The following MLLT10 variants were observed in gnomAD, a reference collection of about 807,000 sequenced individuals.
The protein encoded by MLLT10 is protein AF-10.
MLLT10 carries 30 observed loss-of-function variants against 129.1 expected under a neutral mutation model. The observed-to-expected ratio is 0.23, with a 90% CI of 0.17 to 0.32. The LOEUF is 0.32. MLLT10 is among the 10% of genes least tolerant of loss of function. MLLT10 has a pLI of 1.00. For missense variants in MLLT10, 1,119 were observed against 1,268.3 expected (o/e 0.88, Z 1.79); for synonymous variants, 490 against 446.4 (o/e 1.10, Z -1.23).
chr10:21,596,556 A>G (rs1376468015), intron 5 of MLLT10, among the ~76,000 whole-genome samples: 3 of 152,004 alleles, frequency 2.0e-5, no homozygotes, highest in Non-Finnish European at 4.4e-5. Context: ...TGTATTAGCT[A>G]TATGTGAGAT....
intron 8 of MLLT10, among the ~76,000 whole-genome samples, chr10:21,637,734 T>C (rs2047592904): frequency 6.6e-6 from 1 of 152,184 alleles, no homozygotes; most frequent in Non-Finnish European, 1.5e-5. Flanking sequence ...TAAACTGATC[T>C]TGATCCTTAG....
Position 21,547,074 on chromosome 10 carries a change from T to C in MLLT10, c.240+8162T>C, listed in dbSNP as rs1249497193. ...TAGTAGAAATGGGGTTTTACCATGT[T>C]GGCCAGGCTGGTCTCAAACTCCTGA... On this transcript the variant is annotated intron_variant, in intron 3 of 22. Coordinates refer to ENST00000307729, the MANE Select transcript of MLLT10 (RefSeq NM_001195626.3). Among the ~76,000 whole-genome samples, 3 of 152,098 alleles carry C rather than the reference T, an allele frequency of 2.0e-5. 1 individual carries two copies. The highest frequency in any genetic ancestry group is 7.2e-5 in the African/African-American group (3 of 41,414).
intron 3 of MLLT10, among the ~76,000 whole-genome samples, chr10:21,568,731 G>A (rs1373506078): frequency 6.6e-6 from 1 of 152,034 alleles, no homozygotes; most frequent in Non-Finnish European, 1.5e-5. Context: ...TCCGCCTCCC[G>A]GGTTCAAGCA....
At chr10:21,632,162 C>T (rs1285800238) in intron 8 of MLLT10, among the ~76,000 whole-genome samples, 1 of 152,038 alleles carries the variant, frequency 6.6e-6, no homozygotes, top group Non-Finnish European at 1.5e-5. Flanking sequence ...TGAAATTTAG[C>T]TTGAATTCAG....
intron 13 of MLLT10, among the ~76,000 whole-genome samples, chr10:21,697,230 G>A (rs1009125045): frequency 6.6e-6 from 1 of 152,124 alleles, no homozygotes; most frequent in Non-Finnish European, 1.5e-5. Context: ...ACTTTGAGAG[G>A]CTGAGGCGGG....
upstream of MLLT10, among the ~76,000 whole-genome samples, chr10:21,533,889 G>A (rs563107180): frequency 6.6e-6 from 1 of 152,170 alleles, no homozygotes; most frequent in Non-Finnish European, 1.5e-5. Flanking sequence ...CTCCCCTCTG[G>A]CGATTCTGAG....
At chr10:21,592,582 G>T (rs560497495) in intron 4 of MLLT10, among the ~76,000 whole-genome samples, 1 of 151,870 alleles carries the variant, frequency 6.6e-6, no homozygotes, top group African/African-American at 2.4e-5. Flanking sequence ...TCAGCCTCCC[G>T]CGTAGCTGGG....
At chr10:21,577,575 G>A (rs2040913650) in intron 3 of MLLT10, among the ~76,000 whole-genome samples, 1 of 151,276 alleles carries the variant, frequency 6.6e-6, no homozygotes, top group Non-Finnish European at 1.5e-5. Flanking sequence ...GGGTTCAAGT[G>A]ATTCTTCTGC....
chr10:21,690,563 G>A (rs2053753461), intron 13 of MLLT10, among the ~76,000 whole-genome samples: 1 of 151,860 alleles, frequency 6.6e-6, no homozygotes, highest in Non-Finnish European at 1.5e-5. Context: ...ATATGCAACG[G>A]TTATGCATCT....
chr10:21,660,919 C>CTAATATAT (rs2050133330), intron 9 of MLLT10, among the ~76,000 whole-genome samples: 1 of 147,012 alleles, frequency 6.8e-6, no homozygotes, highest in Non-Finnish European at 1.5e-5. Flanking sequence ...ATCTTCTTTT[C>CTAATATAT]TAATATATTC....
intron 3 of MLLT10, among the ~76,000 whole-genome samples, chr10:21,578,922 G>A (rs1291959876): frequency 6.6e-6 from 1 of 152,192 alleles, no homozygotes; most frequent in Admixed American, 6.5e-5. Context: ...CTTAAGAGTT[G>A]AAAGTCTTCT....
chr10:21,592,065 C>T (rs914936624), intron 4 of MLLT10, among the ~76,000 whole-genome samples: 3 of 152,106 alleles, frequency 2.0e-5, no homozygotes, highest in African/African-American at 7.2e-5. Flanking sequence ...ACCATATAGA[C>T]TTCTTTTACC....
chr10:21,556,806 C>T (rs769765681), intron 3 of MLLT10: 2 of 1,572,302 alleles, frequency 1.3e-6, no homozygotes, highest in South Asian at 1.2e-5. Flanking sequence ...CTTACTACAG[C>T]AGCTTTCTTC....
intron 3 of MLLT10, among the ~76,000 whole-genome samples, chr10:21,539,651 C>T (rs1336082243): frequency 1.3e-5 from 2 of 152,042 alleles, no homozygotes; most frequent in East Asian, 1.9e-4. Context: ...CACCTGTAGT[C>T]CCAGCTACTT....
intron 8 of MLLT10, among the ~76,000 whole-genome samples, chr10:21,623,808 T>C (rs1443661384): frequency 6.6e-6 from 1 of 152,234 alleles, no homozygotes; most frequent in African/African-American, 2.4e-5. Flanking sequence ...CTCTAAGAAT[T>C]GTGAAGCTGT....
At chr10:21,619,556 G>A (rs2045601149) in intron 8 of MLLT10, among the ~76,000 whole-genome samples, 1 of 152,138 alleles carries the variant, frequency 6.6e-6, no homozygotes, top group South Asian at 2.1e-4. Flanking sequence ...TTGAGTGGAT[G>A]CTAGATTAAA....
At chr10:21,727,793 A>G in intron 15 of MLLT10, 63 bp from the exon 16 acceptor site, 3 of 1,307,352 alleles carry the variant, frequency 2.3e-6, no homozygotes, top group South Asian at 1.2e-5. Flanking sequence ...AATCAGGGCA[A>G]GAGTTTAAAA....
intron 9 of MLLT10, among the ~76,000 whole-genome samples, chr10:21,655,207 T>A (rs1353664405): frequency 6.6e-6 from 1 of 152,154 alleles, no homozygotes; most frequent in East Asian, 1.9e-4. Flanking sequence ...CTGGAGGTTA[T>A]AAAAGATTGT....
At chr10:21,585,988 C>G (rs571706121) in intron 3 of MLLT10, among the ~76,000 whole-genome samples, 1 of 152,096 alleles carries the variant, frequency 6.6e-6, no homozygotes, top group Admixed American at 6.5e-5. Flanking sequence ...CTCGAACTCC[C>G]GACCTCAGCT....
Sources: gnomAD v4.1 joint callset for allele counts (sites outside exome capture counted in the v4.1 genomes callset) on GRCh38, gnomAD v4.1.1 for gene constraint, MANE v1.5 for transcripts, NCBI Gene and HGNC (gene_info 2026-07-23, HGNC 2026-07-21) for gene names.